Variants in CYP4X1 observed in about 807,000 individuals in gnomAD.
CYP4X1 encodes cytochrome P450 family 4 subfamily X member 1, also known as cytochrome P450 4X1.
CYP4X1 carries 44 observed loss-of-function variants against 57.9 expected under a neutral mutation model. The ratio of observed to expected loss-of-function variants is 0.76; its 90% CI spans 0.60 to 0.98. The LOEUF is 0.98. Ranked by LOEUF, CYP4X1 falls within the 50% of genes least tolerant of loss-of-function variation. The pLI is 0.00. For missense variants in CYP4X1, 532 were observed against 623.9 expected, an observed-to-expected ratio of 0.85 and a Z score of 1.57; for synonymous variants, 227 against 228.6, an observed-to-expected ratio of 0.99 and a Z score of 0.06.
the CYP4X1 span, among the ~76,000 whole-genome samples, chr1:46,972,192 AG>A: frequency 6.6e-6 from 1 of 151,988 alleles, no homozygotes; most frequent in African/African-American, 2.4e-5. Flanking sequence ...TATTGAATAG[AG>A]GGTCCTTTTC....
the CYP4X1 span, among the ~76,000 whole-genome samples, chr1:47,009,246 A>G: frequency 6.6e-6 from 1 of 152,184 alleles, no homozygotes; most frequent in Non-Finnish European, 1.5e-5. Flanking sequence ...AGAACTCAGG[A>G]TTAAGAAACT....
chr1:47,042,459 A>G (rs1644257318), intron 8 of CYP4X1, among the ~76,000 whole-genome samples: 1 of 151,512 alleles, frequency 6.6e-6, no homozygotes, highest in Non-Finnish European at 1.5e-5. Context: ...TTTTTTCTTA[A>G]TTTAATTGTT....
At chr1:46,976,173 T>C in the CYP4X1 span, among the ~76,000 whole-genome samples, 1 of 152,116 alleles carries the variant, frequency 6.6e-6, no homozygotes, top group Admixed American at 6.5e-5. Flanking sequence ...GCAAGGGGTC[T>C]GGGGATTTCC....
the CYP4X1 span, among the ~76,000 whole-genome samples, chr1:46,974,192 A>T: frequency 6.6e-6 from 1 of 152,166 alleles, no homozygotes; most frequent in Non-Finnish European, 1.5e-5. Flanking sequence ...GTTATTCAGA[A>T]GCAGAGTGTT....
the CYP4X1 span, among the ~76,000 whole-genome samples, chr1:47,009,085 A>C: frequency 6.6e-6 from 1 of 152,242 alleles, no homozygotes; most frequent in Non-Finnish European, 1.5e-5. Context: ...ACATCTACAG[A>C]ACTCTCCACC....
the CYP4X1 span, among the ~76,000 whole-genome samples, chr1:46,988,217 C>A: frequency 3.9e-5 from 6 of 151,976 alleles, no homozygotes; most frequent in African/African-American, 1.2e-4. Context: ...ACCACTGATC[C>A]CACAGAAATA....
the CYP4X1 span, among the ~76,000 whole-genome samples, chr1:46,973,086 TA>T: frequency 1.3e-5 from 2 of 152,130 alleles, no homozygotes; most frequent in Admixed American, 1.3e-4. Context: ...ATATAGCTCT[TA>T]TTTTTTTAGG....
chr1:46,965,307 A>T, the CYP4X1 span, among the ~76,000 whole-genome samples: 1 of 152,198 alleles, frequency 6.6e-6, no homozygotes, highest in Admixed American at 6.5e-5. Context: ...CCAGTACCTC[A>T]GTTGGAAATG....
chr1:47,032,439 T>C (rs988291679), intron 3 of CYP4X1, among the ~76,000 whole-genome samples: 1 of 152,204 alleles, frequency 6.6e-6, no homozygotes, highest in East Asian at 1.9e-4. Flanking sequence ...TGGGCTGTTA[T>C]GAGGATTAAA....
intron 11 of CYP4X1, 121 bp downstream of exon 11, chr1:47,049,625 G>A (rs573885633): frequency 2.3e-6 from 2 of 868,810 alleles, no homozygotes; most frequent in East Asian, 2.5e-5. Context: ...GTGCCTATTT[G>A]AGCCCCAAAG....
At chr1:47,019,068 T>A (rs1643970943), upstream of CYP4X1, among the ~76,000 whole-genome samples, 2 of 152,146 alleles carry the variant, frequency 1.3e-5, no homozygotes, top group Admixed American at 1.3e-4. Flanking sequence ...AAACTCAAAA[T>A]TACAAAGTTT....
At chr1:46,976,277 G>A in the CYP4X1 span, among the ~76,000 whole-genome samples, 1 of 152,156 alleles carries the variant, frequency 6.6e-6, no homozygotes, top group Non-Finnish European at 1.5e-5. Context: ...CTTAGCAAAA[G>A]GCATATCAGG....
chr1:47,005,660 G>A, the CYP4X1 span, among the ~76,000 whole-genome samples: 2 of 152,120 alleles, frequency 1.3e-5, no homozygotes, highest in African/African-American at 2.4e-5. Context: ...TTAAGTGTAA[G>A]CAATTTTCAA....
chr1:46,994,952 C>G, the CYP4X1 span, among the ~76,000 whole-genome samples: 1 of 152,148 alleles, frequency 6.6e-6, no homozygotes, highest in African/African-American at 2.4e-5. Flanking sequence ...GGAGTAGAAA[C>G]TTCTGTTAAA....
the CYP4X1 span, among the ~76,000 whole-genome samples, chr1:47,002,843 A>G: frequency 2.0e-5 from 3 of 152,238 alleles, no homozygotes; most frequent in Non-Finnish European, 2.9e-5. Flanking sequence ...TAGAGATCCC[A>G]CTGCATCTAA....
chr1:47,004,614 T>A, the CYP4X1 span, among the ~76,000 whole-genome samples: 4 of 152,132 alleles, frequency 2.6e-5, no homozygotes, highest in East Asian at 7.7e-4. Flanking sequence ...TTTTTTAATT[T>A]ATTTATTTCT....
At chr1:46,979,524 C>A in the CYP4X1 span, among the ~76,000 whole-genome samples, 1 of 152,154 alleles carries the variant, frequency 6.6e-6, no homozygotes, top group Non-Finnish European at 1.5e-5. Context: ...CAGACAGATT[C>A]ACAGCCGAAT....
In CYP4X1 at chr1:47,029,986, G is replaced by A. The variant is rs1464795437; in HGVS notation, c.178-4G>A. 1 of 1,613,140 alleles carries A rather than the reference G, an allele frequency of 6.2e-7. No individual in the cohort carries two copies. The highest frequency in any genetic ancestry group is 1.3e-5 in the African/African-American group (1 of 74,830). On this transcript the variant is annotated splice_region_variant and splice_polypyrimidine_tract_variant and intron_variant, in intron 1 of 11. Coordinates refer to ENST00000371901, the MANE Select transcript of CYP4X1 (RefSeq NM_178033.2). ...GCTAATTACTTTTACTTTTTTCACT[G>A]CAGTTTATTCAGGATGATAACATGG... is the stretch of plus-strand genomic sequence containing the variant.
intron 9 of CYP4X1, 42 bp from the exon 10 acceptor site, chr1:47,048,523 G>A (rs1469761458): frequency 6.2e-6 from 10 of 1,605,596 alleles, no homozygotes; most frequent in Non-Finnish European, 8.5e-6. Flanking sequence ...CCCACAACTT[G>A]CTCTTTCTCC....
Sources: allele counts gnomAD v4.1 joint callset (sites outside exome capture counted in the v4.1 genomes callset), GRCh38; gene constraint gnomAD v4.1.1; transcripts MANE v1.5; gene names NCBI Gene and HGNC (gene_info 2026-07-23, HGNC 2026-07-21).